The following SPIRE1 variants were observed in gnomAD, a reference collection of about 807,000 sequenced individuals.
SPIRE1 encodes spire type actin nucleation factor 1, also known as protein spire homolog 1.
Under a neutral mutation model 94.1 loss-of-function variants are expected in SPIRE1, and 40 were observed. That is an observed-to-expected ratio of 0.43 (90% CI 0.33 to 0.55). The LOEUF (loss-of-function observed/expected upper bound fraction) is 0.55, where lower values mean the gene tolerates loss of function less well. Ranked by LOEUF, SPIRE1 falls within the 20% of genes least tolerant of loss-of-function variation. The pLI is 0.06. For synonymous variants in SPIRE1, 376 were observed against 371.7 expected, an observed-to-expected ratio of 1.01 and a Z score of -0.13; for missense variants, 838 against 975.2, an observed-to-expected ratio of 0.86 and a Z score of 1.87.
At chr18:12,584,792 T>TA (rs1274073397) in intron 2 of SPIRE1, among the ~76,000 whole-genome samples, 2 of 151,872 alleles carry the variant, frequency 1.3e-5, no homozygotes. Context: ...TATATATATA[T>TA]TTTTTGAGAG....
At chr18:12,651,616 G>A (rs748289158) in intron 1 of SPIRE1, among the ~76,000 whole-genome samples, 3 of 152,196 alleles carry the variant, frequency 2.0e-5, no homozygotes, top group Non-Finnish European at 2.9e-5. Context: ...GGAGGCTGCA[G>A]TGAGCCGAGA....
At chr18:12,467,069 C>G (rs1466914072) in intron 10 of SPIRE1, among the ~76,000 whole-genome samples, 10 of 152,254 alleles carry the variant, frequency 6.6e-5, no homozygotes, top group Admixed American at 5.2e-4. Context: ...AACTTGAGGT[C>G]AGGAGCTCAA....
chr18:12,592,864 T>C (rs1313630711), intron 2 of SPIRE1, among the ~76,000 whole-genome samples: 1 of 151,926 alleles, frequency 6.6e-6, no homozygotes, highest in Non-Finnish European at 1.5e-5. Context: ...CCAGTCGTTG[T>C]TTTCCTTTCT....
chr18:12,534,771 T>C lies in SPIRE1; in HGVS notation c.729+705A>G, dbSNP rs1385643382. On this transcript the variant is annotated intron_variant, in intron 4 of 16. Coordinates refer to ENST00000409402, the MANE Select transcript of SPIRE1 (RefSeq NM_001128626.2). ...AATTCCCCTAATAAGTCCCCTCTCA[T>C]ATATCTTGAACTCCTGGCCTCAAGT... Among the ~76,000 whole-genome samples, 4 of 152,282 alleles carry C rather than the reference T, an allele frequency of 2.6e-5. No individual in the cohort carries two copies. The East Asian group carries it at 7.7e-4, about 29-fold the overall frequency.
chr18:12,645,315 T>C (rs1023819824), intron 1 of SPIRE1, among the ~76,000 whole-genome samples: 3 of 152,166 alleles, frequency 2.0e-5, no homozygotes, highest in Admixed American at 6.5e-5. Flanking sequence ...GGAATCAACA[T>C]GACTCCACAG....
At chr18:12,537,003 A>T (rs1161375060) in intron 3 of SPIRE1, among the ~76,000 whole-genome samples, 1 of 152,212 alleles carries the variant, frequency 6.6e-6, no homozygotes, top group Non-Finnish European at 1.5e-5. Flanking sequence ...TAGCCTTAAT[A>T]ATGTGGCTTT....
At chr18:12,635,895 G>GTT (rs549608024) in intron 1 of SPIRE1, among the ~76,000 whole-genome samples, 4 of 144,334 alleles carry the variant, frequency 2.8e-5, no homozygotes, top group African/African-American at 5.0e-5. Flanking sequence ...GGTTTTTTTT[G>GTT]TTTTTTTTTT....
At chr18:12,622,516 C>G (rs372771449) in intron 2 of SPIRE1, among the ~76,000 whole-genome samples, 6 of 150,540 alleles carry the variant, frequency 4.0e-5, no homozygotes, top group Middle Eastern at 6.8e-3. Context: ...TCCGCCTCCC[C>G]GGTTCACGCC....
At chr18:12,644,816 T>G (rs2038178894) in intron 1 of SPIRE1, among the ~76,000 whole-genome samples, 1 of 152,234 alleles carries the variant, frequency 6.6e-6, no homozygotes, top group Non-Finnish European at 1.5e-5. Flanking sequence ...AGGATAGCAA[T>G]GGCTCAGTAA....
chr18:12,657,167 C>G (rs2038564951), intron 1 of SPIRE1, among the ~76,000 whole-genome samples: 1 of 152,232 alleles, frequency 6.6e-6, no homozygotes, highest in Non-Finnish European at 1.5e-5. Context: ...CGGCGTGAGG[C>G]GCACAGGCCG....
intron 8 of SPIRE1, among the ~76,000 whole-genome samples, chr18:12,488,919 C>G (rs979997127): frequency 6.6e-6 from 1 of 152,178 alleles, no homozygotes; most frequent in Non-Finnish European, 1.5e-5. Context: ...GGCGCGGTGG[C>G]TCACGCCTGT....
chr18:12,494,615 G>A (rs1295571397), intron 7 of SPIRE1, among the ~76,000 whole-genome samples: 1 of 151,450 alleles, frequency 6.6e-6, no homozygotes, highest in African/African-American at 2.4e-5. Context: ...GGATCACGAG[G>A]TCAGGAAATC....
At chr18:12,459,692 G>A in intron 12 of SPIRE1, 1 of 918,896 alleles carries the variant, frequency 1.1e-6, no homozygotes. Flanking sequence ...CGCAACAGTT[G>A]AGGTGTCACC....
chr18:12,490,197 G>A (rs1000164171), intron 8 of SPIRE1, among the ~76,000 whole-genome samples: 2 of 152,074 alleles, frequency 1.3e-5, no homozygotes, highest in African/African-American at 4.8e-5. Flanking sequence ...AATTGTCAAG[G>A]TTAAAATAAA....
chr18:12,642,876 T>C (rs990634274), intron 1 of SPIRE1, among the ~76,000 whole-genome samples: 4 of 152,286 alleles, frequency 2.6e-5, no homozygotes, highest in Non-Finnish European at 4.4e-5. Context: ...GGCACATGTA[T>C]ACCTATGTAA....
chr18:12,569,272 G>A (rs2035896550), intron 2 of SPIRE1, among the ~76,000 whole-genome samples: 1 of 151,186 alleles, frequency 6.6e-6, no homozygotes, highest in Non-Finnish European at 1.5e-5. Context: ...GAACCTGGGA[G>A]GGAGCTTGCA....
At chr18:12,547,737 T>C (rs1310617075) in intron 2 of SPIRE1, among the ~76,000 whole-genome samples, 1 of 151,694 alleles carries the variant, frequency 6.6e-6, no homozygotes, top group African/African-American at 2.4e-5. Context: ...AGGTCAGGAG[T>C]TCGAGATCAG....
intron 1 of SPIRE1, among the ~76,000 whole-genome samples, chr18:12,640,028 C>T (rs1018324993): frequency 3.3e-5 from 5 of 152,170 alleles, no homozygotes. Flanking sequence ...GCAACACTGT[C>T]ATCTTCAGCA....
chr18:12,634,999 C>T (rs2037884604), intron 2 of SPIRE1, 63 bp downstream of exon 2: 1 of 881,156 alleles, frequency 1.1e-6, no homozygotes, highest in Non-Finnish European at 1.8e-6. Context: ...GTTCAGTACT[C>T]AAGTTAGTCT....
Sources: gnomAD v4.1 joint callset for allele counts (sites outside exome capture counted in the v4.1 genomes callset) on GRCh38, gnomAD v4.1.1 for gene constraint, MANE v1.5 for transcripts, NCBI Gene and HGNC (gene_info 2026-07-23, HGNC 2026-07-21) for gene names.